Variants in TOX observed in about 807,000 individuals in gnomAD.
TOX encodes thymocyte selection associated high mobility group box.
TOX carries 11 observed loss-of-function variants against 53.7 expected under a neutral mutation model. The ratio of observed to expected loss-of-function variants is 0.20; its 90% CI spans 0.13 to 0.34. The LOEUF (loss-of-function observed/expected upper bound fraction) is 0.34. Ranked by LOEUF, TOX falls within the 10% of genes least tolerant of loss-of-function variation. TOX has a pLI of 1.00. For missense variants in TOX, 570 were observed against 664.6 expected, an observed-to-expected ratio of 0.86 and a Z score of 1.56; for synonymous variants, 225 against 245.3, an observed-to-expected ratio of 0.92 and a Z score of 0.77.
chr8:59,057,479 C>T (rs2129421706), intron 1 of TOX, among the ~76,000 whole-genome samples: 1 of 152,124 alleles, frequency 6.6e-6, no homozygotes, highest in Middle Eastern at 3.4e-3. Flanking sequence ...AGTATTAGTT[C>T]CTAGTATCTG....
intron 3 of TOX, among the ~76,000 whole-genome samples, chr8:58,912,450 G>T (rs978754120): frequency 1.3e-5 from 2 of 152,076 alleles, no homozygotes; most frequent in Non-Finnish European, 2.9e-5. Flanking sequence ...TCAAAGGGCC[G>T]GCTGACTAAA....
intron 3 of TOX, among the ~76,000 whole-genome samples, chr8:58,865,259 C>T (rs2129169457): frequency 6.6e-6 from 1 of 152,090 alleles, no homozygotes; most frequent in Admixed American, 6.6e-5. Flanking sequence ...TGGTGTGGTC[C>T]CTGCCATTAT....
intron 1 of TOX, among the ~76,000 whole-genome samples, chr8:59,049,617 A>G (rs1233700604): frequency 6.6e-6 from 1 of 152,202 alleles, no homozygotes; most frequent in Non-Finnish European, 1.5e-5. Context: ...AAACAGCAGT[A>G]TGGTGAACCT....
chr8:59,084,533 TCTC>T (rs1481989224), intron 1 of TOX, among the ~76,000 whole-genome samples: 3 of 152,196 alleles, frequency 2.0e-5, no homozygotes, highest in Non-Finnish European at 4.4e-5. Context: ...ATCTTTTACT[TCTC>T]ATTAGCATTA....
chr8:58,912,341 G>C (rs1034673214), intron 3 of TOX, among the ~76,000 whole-genome samples: 1 of 152,186 alleles, frequency 6.6e-6, no homozygotes, highest in African/African-American at 2.4e-5. Context: ...TACTAGCCAT[G>C]ATTAGGTTTT....
At position 58,815,721 on chromosome 8, in the gene TOX, A is replaced by T; in HGVS notation, c.1009T>A (p.Tyr337Asn). ...AYRASLVSKSYSEPVDVKTSQ... is the reference protein window; with the variant it reads ...AYRASLVSKSNSEPVDVKTSQ... ...GTCTTCACGTCAACAGGTTCACTGTAGCTCTGTTGAGGAAATAAATGAGCA... is the reference window on the plus strand; with the variant it reads ...GTCTTCACGTCAACAGGTTCACTGTTGCTCTGTTGAGGAAATAAATGAGCA... The change falls in exon 7 of 9, where the codon TAC becomes AAC. Residue 337 changes from tyrosine (Y) to asparagine (N), a missense_variant. Physicochemically the swap from Tyr to Asn is moderately radical, Grantham distance 143. Around this residue, in one of 3 missense-constraint regions of TOX, gnomAD observed 239 missense variants for 250.7 expected, o/e 0.95. Coordinates refer to ENST00000361421, the MANE Select transcript of TOX (RefSeq NM_014729.3). The T allele has an allele frequency of 6.2e-7, 1 of 1,604,692 alleles. No homozygotes were observed. Among genetic ancestry groups the T allele is most frequent in the Non-Finnish European group, 8.5e-7 (1 of 1,174,946 alleles).
At position 58,861,378 on chromosome 8, in the gene TOX, A is replaced by G. The variant is rs115399290; in HGVS notation, c.412-9573T>C. Among the ~76,000 whole-genome samples the G allele has an allele frequency of 9.5e-3, 1,450 of 152,280 alleles. 21 individuals carry two copies. The highest frequency in any genetic ancestry group is 0.033 in the African/African-American group (1,377 of 41,560). ...TTATGAATGTGCTCTGGGTCTACCT[A>G]TGATTAGAATCAACGAAGCCTTTTA... On this transcript the variant is annotated intron_variant, in intron 3 of 8. Coordinates refer to ENST00000361421, the MANE Select transcript of TOX (RefSeq NM_014729.3).
intron 1 of TOX, among the ~76,000 whole-genome samples, chr8:59,011,210 A>G (rs1471885861): frequency 6.6e-6 from 1 of 152,248 alleles, no homozygotes; most frequent in East Asian, 1.9e-4. Flanking sequence ...CAAGGTAACA[A>G]AGAGACCAAG....
At chr8:59,076,610 T>C (rs1385606278) in intron 1 of TOX, among the ~76,000 whole-genome samples, 1 of 152,220 alleles carries the variant, frequency 6.6e-6, no homozygotes, top group Non-Finnish European at 1.5e-5. Context: ...AATGGTTATT[T>C]TTTACACAGC....
chr8:58,966,578 A>G (rs942998796), intron 1 of TOX, among the ~76,000 whole-genome samples: 2 of 152,208 alleles, frequency 1.3e-5, no homozygotes, highest in East Asian at 3.9e-4. Context: ...ACAACTTAGA[A>G]GCTGGACTCC....
At chr8:58,972,615 T>C (rs1475705016) in intron 1 of TOX, among the ~76,000 whole-genome samples, 1 of 152,186 alleles carries the variant, frequency 6.6e-6, no homozygotes, top group Non-Finnish European at 1.5e-5. Context: ...AATTGAACTG[T>C]ATAACCATTT....
At chr8:58,946,945 A>G (rs1585917627) in intron 2 of TOX, among the ~76,000 whole-genome samples, 1 of 152,176 alleles carries the variant, frequency 6.6e-6, no homozygotes, top group African/African-American at 2.4e-5. Flanking sequence ...GTGATACTAG[A>G]TCTTCTTTTA....
intron 2 of TOX, among the ~76,000 whole-genome samples, chr8:58,943,425 G>T (rs1238147532): frequency 6.6e-6 from 1 of 152,080 alleles, no homozygotes; most frequent in Non-Finnish European, 1.5e-5. Context: ...AGGGGACCTG[G>T]TACACATGTC....
chr8:59,035,856 G>T (rs1340044413), intron 1 of TOX, among the ~76,000 whole-genome samples: 1 of 152,248 alleles, frequency 6.6e-6, no homozygotes, highest in Admixed American at 6.5e-5. Context: ...CCATGTGCCA[G>T]CCAGAGGGCA....
intron 2 of TOX, 94 bp downstream of exon 2, chr8:58,959,849 G>C: frequency 8.1e-7 from 1 of 1,238,948 alleles, no homozygotes; most frequent in Non-Finnish European, 1.2e-6. Flanking sequence ...TCCTGATTGC[G>C]GCAGTTACTG....
At chr8:58,860,982 T>C (rs1228696528) in intron 3 of TOX, among the ~76,000 whole-genome samples, 1 of 152,224 alleles carries the variant, frequency 6.6e-6, no homozygotes, top group African/African-American at 2.4e-5. Flanking sequence ...GTTGGAAAGA[T>C]GTTTTTTACT....
chr8:59,053,905 AAT>A (rs1385026696), intron 1 of TOX, among the ~76,000 whole-genome samples: 1 of 152,220 alleles, frequency 6.6e-6, no homozygotes, highest in African/African-American at 2.4e-5. Flanking sequence ...AAGTCAAAAA[AAT>A]ATATATCATA....
intron 3 of TOX, among the ~76,000 whole-genome samples, chr8:58,928,807 G>A (rs183108947): frequency 7.2e-5 from 11 of 152,138 alleles, no homozygotes; most frequent in Admixed American, 1.3e-4. Context: ...AGTTTCATAC[G>A]GTATGAATTA....
At chr8:58,961,242 A>G (rs543079389) in intron 1 of TOX, among the ~76,000 whole-genome samples, 30 of 152,306 alleles carry the variant, frequency 2.0e-4, no homozygotes, top group Admixed American at 1.7e-3. Flanking sequence ...TCACGTCAAC[A>G]TAAGCTGTAA....
Sources: gnomAD v4.1 joint callset for allele counts (sites outside exome capture counted in the v4.1 genomes callset) on GRCh38, gnomAD v4.1.1 for gene constraint, gnomAD v4.1.1 regional missense constraint, MANE v1.5 for transcripts, NCBI Gene and HGNC (gene_info 2026-07-23, HGNC 2026-07-21) for gene names.